The following SOCS5 variants were observed in gnomAD, a reference collection of about 807,000 sequenced individuals.
SOCS5 encodes the protein CIS-6.
SOCS5 carries 32 observed loss-of-function variants against 42.8 expected under a neutral mutation model. That is an observed-to-expected ratio of 0.75 (90% confidence interval 0.56 to 1.01). SOCS5 has a LOEUF of 1.01. Ranked by LOEUF, SOCS5 falls within the 50% of genes least tolerant of loss-of-function variation. The pLI, the probability that SOCS5 is intolerant of heterozygous loss-of-function variation, is 0.00. For synonymous variants in SOCS5, 283 were observed against 229.6 expected (o/e 1.23, Z -2.10); for missense variants, 627 against 653.0 (o/e 0.96, Z 0.43).
intron 1 of SOCS5, among the ~76,000 whole-genome samples, chr2:46,737,837 G>A (rs1673286130): frequency 6.6e-6 from 1 of 151,286 alleles, no homozygotes; most frequent in African/African-American, 2.4e-5. Flanking sequence ...CCTTGGCTCT[G>A]ATACCTTTCT....
rs1672919601 is a variant in SOCS5, at chr2:46,723,190, A to T, written c.-13+23741A>T. Among the ~76,000 whole-genome samples, 3 of 151,636 alleles carry T rather than the reference A, an allele frequency of 2.0e-5. No individual in the cohort carries two copies. In the South Asian group the frequency reaches 6.2e-4, roughly 32 times the overall value. ...CCAGTTCATAATTTTTTTTTCTTTT[A>T]TGGGTGGTACTTTCGGTGTCATGTC... On this transcript the variant is annotated intron_variant, in intron 1 of 1. Coordinates refer to ENST00000394861, the MANE Select transcript of SOCS5 (RefSeq NM_144949.3).
intron 1 of SOCS5, among the ~76,000 whole-genome samples, chr2:46,743,588 G>C (rs1010733442): frequency 6.6e-6 from 1 of 152,040 alleles, no homozygotes; most frequent in Non-Finnish European, 1.5e-5. Flanking sequence ...CCTGTATTTT[G>C]TGCTGACCTC....
At chr2:46,726,376 C>T (rs1672990612) in intron 1 of SOCS5, among the ~76,000 whole-genome samples, 1 of 152,184 alleles carries the variant, frequency 6.6e-6, no homozygotes, top group African/African-American at 2.4e-5. Flanking sequence ...AATTACAAGG[C>T]ATGAGCCACT....
At chr2:46,736,832 T>C (rs933390940) in intron 1 of SOCS5, among the ~76,000 whole-genome samples, 4 of 145,752 alleles carry the variant, frequency 2.7e-5, no homozygotes, top group African/African-American at 5.2e-5. Flanking sequence ...AGAAGTGTTT[T>C]GGATTTCAGA....
Position 46,759,826 on chromosome 2 carries a change from GT to G in SOCS5, c.1297del (p.Trp433GlyfsTer20). On this transcript the variant is annotated frameshift_variant, in exon 2 of 2. Coordinates refer to ENST00000394861, the MANE Select transcript of SOCS5 (RefSeq NM_144949.3). LOFTEE classifies it high-confidence loss of function. The part of the protein sequence containing the change: ...NRSLHARIEQ[W>X]NHNFSFDAHD... ...GATCCCTGCATGCCCGAATTGAGCA[GT>G]GGAATCACAACTTTAGTTTCGACGC... 6.2e-7 allele frequency: 1 copy of G among 1,614,196 alleles called. No individual in the cohort carries two copies. Among genetic ancestry groups the G allele is most frequent in the Non-Finnish European group, 8.5e-7 (1 of 1,180,040 alleles).
chr2:46,710,564 C>T (rs1378596857), intron 1 of SOCS5, among the ~76,000 whole-genome samples: 1 of 151,912 alleles, frequency 6.6e-6, no homozygotes, highest in Non-Finnish European at 1.5e-5. Flanking sequence ...ATTTAAATGT[C>T]CACTTGTGAA....
chr2:46,706,285 T>C (rs1052824561), intron 1 of SOCS5, among the ~76,000 whole-genome samples: 2 of 152,354 alleles, frequency 1.3e-5, no homozygotes, highest in African/African-American at 2.4e-5. Flanking sequence ...AGTCAGCCCA[T>C]GTGTGGTAGA....
intron 1 of SOCS5, among the ~76,000 whole-genome samples, chr2:46,740,536 G>C (rs1456614396): frequency 6.6e-6 from 1 of 152,154 alleles, no homozygotes; most frequent in Admixed American, 6.5e-5. Context: ...AATCAAGAGA[G>C]AGATAGGAGG....
rs1441362106 is a variant in SOCS5 at position 46,761,090 on chromosome 2, C to CT, written c.*955dup. On this transcript the variant is annotated 3_prime_UTR_variant, in exon 2 of 2. Coordinates refer to ENST00000394861, the MANE Select transcript of SOCS5 (RefSeq NM_144949.3). ...ATAATTTGGATGGCAGAATTTATCT[C>CT]TTTTTTGTAAACTCTCATAACTGAA... 1.2e-5 allele frequency: 2 copies of CT among 167,024 alleles called. No homozygotes were observed. The highest frequency in any genetic ancestry group is 3.8e-4 in the East Asian group (2 of 5,204). The allele number at this position is 167,024 out of a possible 1,614,324, so 10.3% of individuals were successfully genotyped here.
At chr2:46,708,064 T>G (rs559393618) in intron 1 of SOCS5, among the ~76,000 whole-genome samples, 1 of 152,344 alleles carries the variant, frequency 6.6e-6, no homozygotes, top group South Asian at 2.1e-4. Context: ...CTGTTTGTAA[T>G]ACACATGGCA....
At position 46,760,256 on chromosome 2, in the gene SOCS5, G is replaced by C. The variant is rs547759277; in HGVS notation, c.*115G>C. On this transcript the variant is annotated 3_prime_UTR_variant, in exon 2 of 2. Transcript: ENST00000394861. ...CTTTTTCATACAGTATGTAAGCTTA[G>C]TGTTAGTATCTGTCAGATGCTACCT... 6.4e-5 allele frequency: 47 copies of C among 731,964 alleles called. No homozygotes were observed. The highest frequency in any genetic ancestry group is 2.9e-4 in the Middle Eastern group (1 of 3,434). 45.3% of individuals were successfully genotyped at this position (731,964 alleles called of 1,614,324 possible).
In SOCS5 at chr2:46,715,043, A is replaced by T. The variant is rs138669526; in HGVS notation, c.-13+15594A>T. Among the ~76,000 whole-genome samples, 4 of 151,994 alleles carry T rather than the reference A, an allele frequency of 2.6e-5. No homozygotes were observed. In the East Asian group the frequency reaches 7.7e-4, roughly 29 times the overall value. On this transcript the variant is annotated intron_variant, in intron 1 of 1. Transcript: ENST00000394861. Reference sequence around the variant, plus strand: ...CGTGCTTTTGTTGTCATGCATTTTGAGTTGAAGTGTTCTTTCTGCTTTGTC... The same window carrying T: ...CGTGCTTTTGTTGTCATGCATTTTGTGTTGAAGTGTTCTTTCTGCTTTGTC...
chr2:46,733,439 G>A (rs1673171736), intron 1 of SOCS5, among the ~76,000 whole-genome samples: 1 of 151,966 alleles, frequency 6.6e-6, no homozygotes, highest in Non-Finnish European at 1.5e-5. Context: ...TTGGGTGTGG[G>A]GCCCATGCCT....
rs1673882124 is a variant in SOCS5 at position 46,761,982 on chromosome 2, A to C, written c.*1841A>C. The C allele has an allele frequency of 6.0e-6, 1 of 167,056 alleles. No individual in the cohort carries two copies. The highest frequency in any genetic ancestry group is 1.5e-5 in the Non-Finnish European group (1 of 68,074). The allele number at this position is 167,056 out of a possible 1,614,324, so 10.3% of individuals were successfully genotyped here. ...CCTCCCACTGCATCAGAAGCAGGTT[A>C]AATGAAGTCTTGTGAATTTGTAATA... On this transcript the variant is annotated 3_prime_UTR_variant, in exon 2 of 2. Transcript: ENST00000394861.
At position 46,758,003 on chromosome 2, in the gene SOCS5, A is replaced by G. The variant is rs942351635; in HGVS notation, c.-12-516A>G. ...GTGGGAGGGAAGATATGGGTTTTTT[A>G]TAAGTGATGAACACACTGTAAACCT... On this transcript the variant is annotated intron_variant, in intron 1 of 1. Coordinates refer to ENST00000394861, the MANE Select transcript of SOCS5 (RefSeq NM_144949.3). Among the ~76,000 whole-genome samples, 28 of 152,354 alleles carry G rather than the reference A, an allele frequency of 1.8e-4. 1 individual carries two copies. The highest frequency in any genetic ancestry group is 6.5e-4 in the African/African-American group (27 of 41,588).
chr2:46,723,246 A>G (rs1055759637), intron 1 of SOCS5, among the ~76,000 whole-genome samples: 1 of 152,008 alleles, frequency 6.6e-6, no homozygotes, highest in Non-Finnish European at 1.5e-5. Flanking sequence ...CCATGTCCCA[A>G]TGATTTTATC....
chr2:46,759,180 A>G lies in SOCS5; in HGVS notation c.650A>G (p.Lys217Arg), dbSNP rs761033757. Residue 217 changes from lysine to arginine, a missense_variant, in exon 2 of 2, where the codon AAA becomes AGA. Lys to Arg is a conservative substitution (Grantham distance 26). Around this residue, in one of 3 missense-constraint regions of SOCS5, gnomAD observed 9 missense variants for 39.1 expected, o/e 0.23. Transcript: ENST00000394861. ...KIHLSELMLE[K>R]CPFPAGSDLA... is the part of the protein sequence containing the mutation. ...CATCTCTCTGAATTAATGCTTGAGA[A>G]ATGCCCTTTTCCTGCTGGCTCAGAT... 2.7e-5 allele frequency: 44 copies of G among 1,613,876 alleles called. No homozygotes were observed. The highest frequency in any genetic ancestry group is 3.7e-5 in the Non-Finnish European group (44 of 1,179,880).
At chr2:46,728,749 C>T (rs1279515098) in intron 1 of SOCS5, among the ~76,000 whole-genome samples, 1 of 152,060 alleles carries the variant, frequency 6.6e-6, no homozygotes, top group Non-Finnish European at 1.5e-5. Flanking sequence ...AGAGATGGGG[C>T]TTCTCCATGT....
intron 1 of SOCS5, among the ~76,000 whole-genome samples, chr2:46,755,500 T>G (rs10164807): frequency 0.047 from 7,214 of 152,238 alleles, 617 homozygotes; most frequent in African/African-American, 0.16. Flanking sequence ...ACAAAAGCTA[T>G]TTAACTTCCA....
Sources: gnomAD v4.1 joint callset for allele counts (sites outside exome capture counted in the v4.1 genomes callset) on GRCh38, gnomAD v4.1.1 for gene constraint, gnomAD v4.1.1 regional missense constraint, MANE v1.5 for transcripts, NCBI Gene and HGNC (gene_info 2026-07-23, HGNC 2026-07-21) for gene names.